The following ANKRD18B variants were observed in gnomAD, a reference collection of about 807,000 sequenced individuals.
The protein encoded by ANKRD18B is ankyrin repeat domain 18B.
In ANKRD18B, 75 loss-of-function variants were observed where a neutral mutation model predicts 111.8. That is an observed-to-expected ratio of 0.67 (90% CI 0.56 to 0.81). The LOEUF (loss-of-function observed/expected upper bound fraction) is 0.81. Ranked by LOEUF, ANKRD18B falls within the 40% of genes least tolerant of loss-of-function variation. The pLI is 0.00. For missense variants in ANKRD18B, 1,038 were observed against 1,225.5 expected, an observed-to-expected ratio of 0.85 and a Z score of 2.28; for synonymous variants, 356 against 417.3, an observed-to-expected ratio of 0.85 and a Z score of 1.79.
rs10971572 is a variant in ANKRD18B at position 33,572,930 on chromosome 9, G to A, written c.*496G>A. ...TGTTTGAACAAGTATTACTGTGATG[G>A]TTGCCAGATGATTATTTTTCTTATT... On this transcript the variant is annotated 3_prime_UTR_variant, in exon 19 of 19. Transcript: ENST00000684830. 0.17 allele frequency: 41,300 copies of A among 243,156 alleles called. 3,856 individuals are homozygous for A. The highest frequency in any genetic ancestry group is 0.22 in the Admixed American group (3,609 of 16,514). The allele number at this position is 243,156 out of a possible 1,614,324, so 15.1% of individuals were successfully genotyped here.
Position 33,572,627 on chromosome 9 carries a change from T to A in ANKRD18B, c.*193T>A, listed in dbSNP as rs1828798543. ...TCTTGCAAATGAACACCAGTGTTAT[T>A]GAGTTTGACCTACTCAAATTGCCTG... On this transcript the variant is annotated 3_prime_UTR_variant, in exon 19 of 19. Coordinates refer to ENST00000684830, the MANE Select transcript of ANKRD18B (RefSeq NM_001393611.1). 1 of 1,217,326 alleles carries A rather than the reference T, an allele frequency of 8.2e-7. No homozygotes were observed. The highest frequency in any genetic ancestry group is 1.0e-6 in the Non-Finnish European group (1 of 975,824). 75.4% of individuals were successfully genotyped at this position (1,217,326 alleles called of 1,614,324 possible).
In ANKRD18B at chr9:33,566,461, A is replaced by C. The variant is rs767928341; in HGVS notation, c.2703A>C (p.Ala901=). The C allele has an allele frequency of 3.1e-6, 5 of 1,608,062 alleles. No homozygotes were observed. The highest frequency in any genetic ancestry group is 4.2e-6 in the Non-Finnish European group (5 of 1,178,862). ...ATAAATCGGAGCTGGATGAAAGGGC[A>C]ATGCAGGCAATAGAAAAATTAGAAG... ...QEYKSELDER[A]MQAIEKLEEI... is the part of the protein sequence containing the mutation. The change falls in exon 15 of 19, where the codon GCA becomes GCC. Residue 901 remains alanine (A), a synonymous_variant. Transcript: ENST00000684830.
intron 10 of ANKRD18B, among the ~76,000 whole-genome samples, chr9:33,546,058 C>G (rs1420789433): frequency 6.6e-6 from 1 of 152,066 alleles, no homozygotes; most frequent in Non-Finnish European, 1.5e-5. Context: ...ACCTTCTGAA[C>G]CAGATAAGCA....
intron 14 of ANKRD18B, among the ~76,000 whole-genome samples, chr9:33,560,329 C>T (rs1324991640): frequency 1.3e-5 from 2 of 152,260 alleles, no homozygotes; most frequent in Admixed American, 6.5e-5. Context: ...GGCTCCTCCT[C>T]TGCATAAGGC....
rs1828163610 is a variant in ANKRD18B, at chr9:33,534,360, A to G, written c.603-10A>G. ...AGTTCTTGAGTGCTGTTATTTCTTTATTGTTTTAGAACAGCCCTCATACTT... is the reference window on the plus strand; with the variant it reads ...AGTTCTTGAGTGCTGTTATTTCTTTGTTGTTTTAGAACAGCCCTCATACTT... On this transcript the variant is annotated splice_polypyrimidine_tract_variant and intron_variant, in intron 4 of 18. Coordinates refer to ENST00000684830, the MANE Select transcript of ANKRD18B (RefSeq NM_001393611.1). 1 of 1,522,968 alleles carries G rather than the reference A, an allele frequency of 6.6e-7. No homozygotes were observed. The highest frequency in any genetic ancestry group is 8.8e-7 in the Non-Finnish European group (1 of 1,138,454). The allele number at this position is 1,522,968 out of a possible 1,614,324, so 94.3% of individuals were successfully genotyped here. A position where few individuals can be genotyped will look rare whatever the true frequency, so the allele number is the denominator to read the frequency against.
chr9:33,527,984 T>G (rs1481632422), intron 1 of ANKRD18B, among the ~76,000 whole-genome samples: 1 of 152,260 alleles, frequency 6.6e-6, no homozygotes, highest in Non-Finnish European at 1.5e-5. Flanking sequence ...TTAAAATGTT[T>G]TTGTTAAATA....
intron 3 of ANKRD18B, among the ~76,000 whole-genome samples, chr9:33,532,922 C>T (rs1037546150): frequency 6.6e-6 from 1 of 152,212 alleles, no homozygotes; most frequent in Non-Finnish European, 1.5e-5. Flanking sequence ...TAATACTTCT[C>T]AAATGCAGAT....
chr9:33,547,320 A>G, intron 10 of ANKRD18B, among the ~76,000 whole-genome samples: 1 of 152,142 alleles, frequency 6.6e-6, no homozygotes, highest in East Asian at 1.9e-4. Flanking sequence ...TTTTTTAAGG[A>G]TTGTGATAAC....
chr9:33,535,702 A>G (rs574565123), intron 5 of ANKRD18B, among the ~76,000 whole-genome samples: 5 of 146,402 alleles, frequency 3.4e-5, no homozygotes, highest in Admixed American at 6.9e-5. Flanking sequence ...ATGTAATTAT[A>G]TTATTTTTAT....
intron 11 of ANKRD18B, 117 bp from the exon 12 acceptor site, chr9:33,550,313 A>C: frequency 9.0e-7 from 1 of 1,114,812 alleles, no homozygotes; most frequent in Non-Finnish European, 1.2e-6. Flanking sequence ...TATGAGGAAA[A>C]GAAAGTGAAT....
chr9:33,563,516 C>A (rs891693929), intron 14 of ANKRD18B, among the ~76,000 whole-genome samples: 6 of 150,768 alleles, frequency 4.0e-5, no homozygotes, highest in Non-Finnish European at 8.9e-5. Context: ...GGGCTGAGTT[C>A]GAAGGGAAAG....
Position 33,540,987 on chromosome 9 carries a change from A to G in ANKRD18B, c.998-160A>G, listed in dbSNP as rs553649334. The stretch of plus-strand genomic sequence containing the variant: ...TATTTACTATGTATTTAGTATGTTC[A>G]TTAGATGCCATTCACTTTTAAATTT... On this transcript the variant is annotated intron_variant, in intron 8 of 18. Transcript: ENST00000684830. Among the ~76,000 whole-genome samples the G allele has an allele frequency of 3.9e-5, 6 of 152,274 alleles. No homozygotes were observed. The South Asian group carries it at 1.2e-3, about 32-fold the overall frequency.
At chr9:33,531,029 T>C (rs946636086) in intron 3 of ANKRD18B, among the ~76,000 whole-genome samples, 1 of 152,220 alleles carries the variant, frequency 6.6e-6, no homozygotes, top group Non-Finnish European at 1.5e-5. Context: ...TCTCAGTATG[T>C]CTGTTAAGGT....
At chr9:33,524,811 G>A in intron 1 of ANKRD18B, 116 bp downstream of exon 1, 2 of 1,240,624 alleles carry the variant, frequency 1.6e-6, no homozygotes, top group Non-Finnish European at 2.2e-6. Context: ...GCCAAATGGA[G>A]CCTCAGCTGC....
At chr9:33,545,252 T>C (rs1247271267) in intron 10 of ANKRD18B, among the ~76,000 whole-genome samples, 1 of 152,016 alleles carries the variant, frequency 6.6e-6, no homozygotes, top group African/African-American at 2.4e-5. Context: ...GATACAGAAA[T>C]TGAAAAATTA....
intron 12 of ANKRD18B, among the ~76,000 whole-genome samples, chr9:33,554,071 CA>C (rs921879899): frequency 2.6e-4 from 27 of 103,326 alleles, no homozygotes; most frequent in Admixed American, 1.5e-3. Context: ...GACTCCATCT[CA>C]AAAAAAAAAT....
intron 13 of ANKRD18B, 88 bp from the exon 14 acceptor site, chr9:33,557,970 G>C: frequency 8.2e-7 from 1 of 1,215,766 alleles, no homozygotes; most frequent in Non-Finnish European, 1.1e-6. Flanking sequence ...TTGTTTCTTT[G>C]ATATGCCATA....
intron 5 of ANKRD18B, among the ~76,000 whole-genome samples, chr9:33,535,274 G>GTGTTTTGTTT (rs908012376): frequency 3.3e-5 from 5 of 151,798 alleles, no homozygotes; most frequent in Non-Finnish European, 5.9e-5. Flanking sequence ...CACAGCTACA[G>GTGTTTTGTTT]TGTTTTGTTT....
intron 3 of ANKRD18B, among the ~76,000 whole-genome samples, chr9:33,530,134 A>G (rs1453153943): frequency 3.9e-5 from 6 of 152,126 alleles, no homozygotes; most frequent in African/African-American, 7.2e-5. Flanking sequence ...TTGATAAAGG[A>G]TATTGGCCAT....
Sources: gnomAD v4.1 joint callset for allele counts (sites outside exome capture counted in the v4.1 genomes callset) on GRCh38, gnomAD v4.1.1 for gene constraint, MANE v1.5 for transcripts, NCBI Gene and HGNC (gene_info 2026-07-23, HGNC 2026-07-21) for gene names.